GMFB: variants seen among roughly 807,000 people sequenced by gnomAD.
GMFB encodes glia maturation factor beta.
GMFB carries 13 observed loss-of-function variants against 25.6 expected under a neutral mutation model. The observed-to-expected ratio is 0.51, with a 90% CI of 0.33 to 0.81. The LOEUF is 0.81. GMFB is among the 30% of genes least tolerant of loss of function. The probability of loss-of-function intolerance (pLI) is 0.02; values close to 1 mark genes in which losing one functional copy is unlikely to be tolerated. For synonymous variants in GMFB, 57 were observed against 56.9 expected, an observed-to-expected ratio of 1.00 and a Z score of 0.00; for missense variants, 146 against 175.4, an observed-to-expected ratio of 0.83 and a Z score of 0.95.
intron 6 of GMFB, chr14:54,479,342 T>C (rs1276798443): frequency 2.6e-5 from 4 of 152,472 alleles, no homozygotes; most frequent in Non-Finnish European, 4.4e-5. Context: ...AACAGAATGT[T>C]CTAACTTTAT....
Position 54,483,776 on chromosome 14 carries a change from G to A in GMFB, c.4-9C>T. ...ACAACCAAAGACTCACTCTATAAAA[G>A]AAAAAAAACACACATAAAATGCCAT... On this transcript the variant is annotated splice_polypyrimidine_tract_variant and intron_variant, in intron 1 of 6. Coordinates refer to ENST00000358056, the MANE Select transcript of GMFB (RefSeq NM_004124.3). The A allele has an allele frequency of 4.0e-6, 6 of 1,490,998 alleles. No homozygotes were observed. Among genetic ancestry groups the A allele is most frequent in the South Asian group, 3.5e-5 (3 of 85,994 alleles). The allele number at this position is 1,490,998 out of a possible 1,614,324, so 92.4% of individuals were successfully genotyped here.
Position 54,476,720 on chromosome 14 carries a change from G to A in GMFB, c.*1368C>T, listed in dbSNP as rs1226596233. 1 of 152,016 alleles carries A rather than the reference G, an allele frequency of 6.6e-6. No individual in the cohort carries two copies. The highest frequency in any genetic ancestry group is 2.4e-5 in the African/African-American group (1 of 41,508). 9.4% of individuals were successfully genotyped at this position (152,016 alleles called of 1,614,324 possible). A position where few individuals can be genotyped will look rare whatever the true frequency, so the allele number is the denominator to read the frequency against. ...AATAAAATGCAAAGAACATATGAAT[G>A]GAAAACATGCCAAAATTTAAATTTT... is the stretch of plus-strand genomic sequence containing the variant. On this transcript the variant is annotated 3_prime_UTR_variant, in exon 7 of 7. Transcript: ENST00000358056.
At chr14:54,481,815 A>G (rs138305341) in intron 3 of GMFB, among the ~76,000 whole-genome samples, 28 of 152,254 alleles carry the variant, frequency 1.8e-4, no homozygotes, top group Non-Finnish European at 3.7e-4. Context: ...TACTCTAGTT[A>G]CTTAATTTGA....
intron 3 of GMFB, 60 bp downstream of exon 3, chr14:54,482,093 C>A: frequency 1.9e-6 from 2 of 1,053,154 alleles, no homozygotes; most frequent in Non-Finnish European, 1.5e-6. Context: ...ACTAATATAG[C>A]ATCTTTTGAG....
chr14:54,483,477 T>G (rs1291347882), intron 2 of GMFB, 194 bp downstream of exon 2: 1 of 555,790 alleles, frequency 1.8e-6, no homozygotes, highest in African/African-American at 1.9e-5. Context: ...ATGGGGGAGG[T>G]GGGACAATCC....
intron 2 of GMFB, among the ~76,000 whole-genome samples, chr14:54,482,633 A>G (rs921326090): frequency 2.6e-5 from 4 of 152,222 alleles, no homozygotes; most frequent in Non-Finnish European, 5.9e-5. Context: ...TGGCTTCTCC[A>G]AGGTCAGGAT....
At chr14:54,483,925 C>T (rs2031748063) in intron 1 of GMFB, 158 bp from the exon 2 acceptor site, 1 of 697,072 alleles carries the variant, frequency 1.4e-6, no homozygotes, top group African/African-American at 1.8e-5. Context: ...ACTTTAAAAT[C>T]AACCAACCTT....
In GMFB at chr14:54,478,065, CT is replaced by C; in HGVS notation, c.*22del. ...GTATGGTCAGGTTAATACATAAATA[CT>C]TTAGAAACACAGAAGTTCACATTAG... On this transcript the variant is annotated 3_prime_UTR_variant, in exon 7 of 7. Coordinates refer to ENST00000358056, the MANE Select transcript of GMFB (RefSeq NM_004124.3). The C allele has an allele frequency of 8.8e-7, 1 of 1,140,004 alleles. No homozygotes were observed. Among genetic ancestry groups the C allele is most frequent in the Non-Finnish European group, 1.3e-6 (1 of 794,928 alleles). The allele number at this position is 1,140,004 out of a possible 1,614,324, so 70.6% of individuals were successfully genotyped here. A position where few individuals can be genotyped will look rare whatever the true frequency, so the allele number is the denominator to read the frequency against.
intron 2 of GMFB, chr14:54,483,173 A>T (rs2031735812): frequency 6.5e-6 from 1 of 154,178 alleles, no homozygotes; most frequent in Admixed American, 6.4e-5. Flanking sequence ...AGCAATATGC[A>T]AATCACTTTT....
At chr14:54,484,974 T>A (rs1322638272) in intron 1 of GMFB, among the ~76,000 whole-genome samples, 3 of 152,002 alleles carry the variant, frequency 2.0e-5, no homozygotes, top group Non-Finnish European at 4.4e-5. Flanking sequence ...AAATTCAACA[T>A]CCTTTCATGA....
At chr14:54,484,190 A>C (rs2031753305) in intron 1 of GMFB, 1 of 181,228 alleles carries the variant, frequency 5.5e-6, no homozygotes, top group African/African-American at 2.4e-5. Flanking sequence ...TAGAATTAAT[A>C]AATTATTTTT....
At chr14:54,488,897 G>A (rs575292889) in intron 1 of GMFB, 28 bp downstream of exon 1, 6 of 1,552,740 alleles carry the variant, frequency 3.9e-6, no homozygotes, top group African/African-American at 2.8e-5. Flanking sequence ...CCAGCCCTCC[G>A]GCCCCCGCCC....
At chr14:54,479,160 A>G (rs1409643759) in intron 6 of GMFB, 1 of 152,150 alleles carries the variant, frequency 6.6e-6, no homozygotes, top group Non-Finnish European at 1.5e-5. Flanking sequence ...TGTCTAACAC[A>G]GTTTTGGCAA....
chr14:54,481,253 A>C, intron 4 of GMFB, 156 bp downstream of exon 4: 1 of 603,958 alleles, frequency 1.7e-6, no homozygotes, highest in Non-Finnish European at 3.0e-6. Context: ...GAATAAACCA[A>C]CTTTTCATTT....
intron 2 of GMFB, among the ~76,000 whole-genome samples, chr14:54,482,600 A>G (rs2031727725): frequency 6.6e-6 from 1 of 152,246 alleles, no homozygotes; most frequent in Non-Finnish European, 1.5e-5. Context: ...TCGGGGATCA[A>G]AATAGAGAAA....
chr14:54,478,223 A>T lies in GMFB; in HGVS notation c.358-64T>A, dbSNP rs963835890. The T allele has an allele frequency of 1.4e-5, 8 of 577,746 alleles. No homozygotes were observed. The South Asian group carries it at 2.3e-4, about 17-fold the overall frequency. 35.8% of individuals were successfully genotyped at this position (577,746 alleles called of 1,614,324 possible). A position where few individuals can be genotyped will look rare whatever the true frequency, so the allele number is the denominator to read the frequency against. On this transcript the variant is annotated intron_variant, in intron 6 of 6. Coordinates refer to ENST00000358056, the MANE Select transcript of GMFB (RefSeq NM_004124.3). ...TCCAAAAAAAAAGTCAAATATTTGA[A>T]TTTTTTAAAATATATTTGAGTATTA...
Position 54,479,846 on chromosome 14 carries a change from T to G in GMFB, c.297A>C (p.Glu99Asp). ...IFSSPVGCKPEQQMMYAGSKN... is the reference protein window; with the variant it reads ...IFSSPVGCKPDQQMMYAGSKN... ...TACTTCCAGCATACATCATCTGTTG[T>G]TCAGGCTTACATCCTGGAAAAGAGA... The change falls in exon 6 of 7, where the codon GAA (glutamate) becomes GAC (aspartate). Residue 99 changes from glutamate to aspartate, a missense_variant. Glu to Asp is a conservative substitution (Grantham distance 45). Transcript: ENST00000358056. The G allele has an allele frequency of 6.2e-7, 1 of 1,600,224 alleles. No homozygotes were observed. Among genetic ancestry groups the G allele is most frequent in the Non-Finnish European group, 8.6e-7 (1 of 1,167,768 alleles).
At chr14:54,481,001 G>T in intron 4 of GMFB, 45 bp from the exon 5 acceptor site, 2 of 905,226 alleles carry the variant, frequency 2.2e-6, no homozygotes, top group Non-Finnish European at 3.5e-6. Flanking sequence ...TCTCAGACAG[G>T]TATTTACCAA....
rs748444440 is a variant in GMFB at position 54,479,800 on chromosome 14, C to T, written c.343G>A (p.Ala115Thr). 3 of 1,594,392 alleles carry T rather than the reference C, an allele frequency of 1.9e-6. 1 individual carries two copies. The South Asian group carries it at 3.3e-5, about 18-fold the overall frequency. ...ATAAATACCACCTTGGTTAGTTCAG[C>T]TGTCTGGACTAGCTTATTCTTACTT... ...AGSKNKLVQT[A>T]ELTKVFEIRN... Residue 115 changes from alanine (A) to threonine (T), a missense_variant, in exon 6 of 7, where the codon GCT (alanine) becomes ACT (threonine). By Grantham distance (58) the Ala-to-Thr change is moderately conservative (BLOSUM62 0). Transcript: ENST00000358056.
Sources: allele counts gnomAD v4.1 joint callset (sites outside exome capture counted in the v4.1 genomes callset), GRCh38; gene constraint gnomAD v4.1.1; transcripts MANE v1.5; gene names NCBI Gene and HGNC (gene_info 2026-07-23, HGNC 2026-07-21).